Variants in CADPS observed in about 807,000 individuals in gnomAD.
CADPS encodes the protein calcium dependent secretion activator.
In CADPS, 57 loss-of-function variants were observed where a neutral mutation model predicts 167.3. The ratio of observed to expected loss-of-function variants is 0.34; its 90% confidence interval spans 0.28 to 0.42. CADPS has a LOEUF of 0.42. Among genes scored for constraint, CADPS ranks in the 20% least tolerant of loss-of-function variants. The probability of loss-of-function intolerance (pLI) is 1.00; values close to 1 mark genes in which losing one functional copy is unlikely to be tolerated. For synonymous variants in CADPS, 676 were observed against 635.3 expected (o/e 1.06, Z -0.96); for missense variants, 1,414 against 1,738.1 (o/e 0.81, Z 3.32).
At position 62,627,288 on chromosome 3, in the gene CADPS, A is replaced by C. The variant is rs2064269963; in HGVS notation, c.1325+18434T>G. On this transcript the variant is annotated intron_variant, in intron 6 of 29. Coordinates refer to ENST00000383710, the MANE Select transcript of CADPS (RefSeq NM_003716.4). ...TTAGTTTTAAATTATAACTGAGCTC[A>C]ATTTTAAAGGAAAAAATAAATCTCT... Among the ~76,000 whole-genome samples the C allele has an allele frequency of 2.0e-5, 3 of 152,110 alleles. No homozygotes were observed. The South Asian group carries it at 6.2e-4, about 32-fold the overall frequency.
At chr3:62,527,461 G>T (rs867518853) in intron 13 of CADPS, among the ~76,000 whole-genome samples, 2 of 151,898 alleles carry the variant, frequency 1.3e-5, no homozygotes, top group East Asian at 1.9e-4. Context: ...GGGGTGGGGG[G>T]TGGGGGAGTG....
At chr3:62,793,216 C>T (rs901415750) in intron 1 of CADPS, among the ~76,000 whole-genome samples, 1 of 152,132 alleles carries the variant, frequency 6.6e-6, no homozygotes, top group African/African-American at 2.4e-5. Flanking sequence ...ATTTATAATG[C>T]TTGTGAAACA....
intron 3 of CADPS, among the ~76,000 whole-genome samples, chr3:62,737,474 C>CA (rs370647017): frequency 0.14 from 18,255 of 133,116 alleles, 1,254 homozygotes; most frequent in African/African-American, 0.21. Context: ...TCTCTTACAG[C>CA]AAAAAAAAAA....
At chr3:62,612,044 A>T (rs937792309) in intron 6 of CADPS, among the ~76,000 whole-genome samples, 1 of 152,238 alleles carries the variant, frequency 6.6e-6, no homozygotes, top group Non-Finnish European at 1.5e-5. Flanking sequence ...GACACACTGC[A>T]GACACTTAAC....
intron 1 of CADPS, among the ~76,000 whole-genome samples, chr3:62,808,989 CATT>C (rs1214109089): frequency 3.9e-5 from 6 of 152,160 alleles, no homozygotes; most frequent in Non-Finnish European, 5.9e-5. Flanking sequence ...AAATTGTAGA[CATT>C]ATTCTTGATT....
rs180991844 is a variant in CADPS at position 62,761,595 on chromosome 3, T to C, written c.555+4276A>G. ...AGAATTTGAGTTTTGTAAAACTTTT[T>C]TATCCACCTATTTTCTCTGATGCCA... On this transcript the variant is annotated intron_variant, in intron 2 of 29. Transcript: ENST00000383710. Among the ~76,000 whole-genome samples the C allele has an allele frequency of 9.9e-5, 15 of 152,082 alleles. No homozygotes were observed. In the Middle Eastern group the frequency reaches 0.01, roughly 103 times the overall value.
chr3:62,494,442 A>G (rs761385251), intron 18 of CADPS, among the ~76,000 whole-genome samples: 3 of 152,284 alleles, frequency 2.0e-5, no homozygotes, highest in Non-Finnish European at 4.4e-5. Flanking sequence ...AAAATTCACA[A>G]AGGTACACTA....
At chr3:62,803,684 T>C (rs1229352839) in intron 1 of CADPS, among the ~76,000 whole-genome samples, 2 of 152,122 alleles carry the variant, frequency 1.3e-5, no homozygotes, top group Non-Finnish European at 2.9e-5. Flanking sequence ...AGTGTTAGCA[T>C]TGTCATCTGT....
chr3:62,533,144 G>A, intron 12 of CADPS, 86 bp from the exon 13 acceptor site: 1 of 1,185,532 alleles, frequency 8.4e-7, no homozygotes, highest in Non-Finnish European at 1.2e-6. Flanking sequence ...CTAGAGAAGG[G>A]GACTGAAAAA....
chr3:62,437,770 C>T (rs1261594969), intron 28 of CADPS, among the ~76,000 whole-genome samples: 1 of 152,140 alleles, frequency 6.6e-6, no homozygotes, highest in Non-Finnish European at 1.5e-5. Context: ...AAAGTGAGGC[C>T]AGATTGCAAG....
At chr3:62,562,169 G>C (rs942704150) in intron 9 of CADPS, among the ~76,000 whole-genome samples, 3 of 152,212 alleles carry the variant, frequency 2.0e-5, no homozygotes, top group African/African-American at 7.2e-5. Context: ...AGCATTGACG[G>C]ATTGAGCCAA....
Position 62,433,753 on chromosome 3 carries a change from G to A in CADPS, c.3777+4351C>T, listed in dbSNP as rs188348910. On this transcript the variant is annotated intron_variant, in intron 28 of 29. Transcript: ENST00000383710. This position sits in a 1 kb window ranked among gnomAD's most constrained non-coding sequence, Gnocchi z 4.7. ...AATCCCGATTTTCTTCTCAGTCTGTGTCTTCAAGAAGTACAAGGAAGAAAG... is the reference window on the plus strand; with the variant it reads ...AATCCCGATTTTCTTCTCAGTCTGTATCTTCAAGAAGTACAAGGAAGAAAG... 1.3e-3 allele frequency among the ~76,000 whole-genome samples: 193 copies of A among 152,304 alleles called. 1 individual carries two copies. The highest frequency in any genetic ancestry group is 1.6e-3 in the Non-Finnish European group (109 of 68,036).
At chr3:62,679,639 C>T (rs541750007) in intron 3 of CADPS, among the ~76,000 whole-genome samples, 10 of 152,152 alleles carry the variant, frequency 6.6e-5, no homozygotes, top group African/African-American at 2.4e-4. Flanking sequence ...TTGCACTCAC[C>T]AGCCCAACTA....
chr3:62,594,987 A>T (rs66509754), intron 6 of CADPS, among the ~76,000 whole-genome samples: 13,445 of 152,130 alleles, frequency 0.088, 770 homozygotes, highest in East Asian at 0.33. Context: ...CTTGACTACT[A>T]GTGGGCTTGA....
At chr3:62,450,376 C>G (rs1432730895) in intron 26 of CADPS, among the ~76,000 whole-genome samples, 1 of 152,188 alleles carries the variant, frequency 6.6e-6, no homozygotes, top group African/African-American at 2.4e-5. Context: ...CTCTCCAGGA[C>G]CAAGCCATAG....
chr3:62,661,135 T>G (rs2073108441), intron 4 of CADPS, among the ~76,000 whole-genome samples: 1 of 152,208 alleles, frequency 6.6e-6, no homozygotes, highest in Admixed American at 6.5e-5. Flanking sequence ...ATGGCAGGGA[T>G]AGCAATAATG....
At chr3:62,413,113 A>G (rs548757309) in intron 28 of CADPS, among the ~76,000 whole-genome samples, 48 of 152,208 alleles carry the variant, frequency 3.2e-4, no homozygotes, top group Admixed American at 1.7e-3. Flanking sequence ...ACTCATTGAT[A>G]CCAACTTAAA....
chr3:62,519,244 T>A (rs2069804909), intron 13 of CADPS, among the ~76,000 whole-genome samples: 1 of 152,178 alleles, frequency 6.6e-6, no homozygotes, highest in African/African-American at 2.4e-5. Flanking sequence ...ATTGGAACAT[T>A]CTTCAGTTTG....
In CADPS at chr3:62,672,088, T is replaced by A. The variant is rs183628656; in HGVS notation, c.889-9694A>T. ...AGCCACCACACCCAGCCAATTTTTTTAAAACCCTCCGAGTGATTCCAACGT... is the reference window on the plus strand; with the variant it reads ...AGCCACCACACCCAGCCAATTTTTTAAAAACCCTCCGAGTGATTCCAACGT... On this transcript the variant is annotated intron_variant, in intron 3 of 29. Coordinates refer to ENST00000383710, the MANE Select transcript of CADPS (RefSeq NM_003716.4). Among the ~76,000 whole-genome samples the A allele has an allele frequency of 5.9e-4, 90 of 152,228 alleles. 1 individual carries two copies. The East Asian group carries it at 0.016, about 28-fold the overall frequency.
Sources: allele counts gnomAD v4.1 joint callset (sites outside exome capture counted in the v4.1 genomes callset), GRCh38; gene constraint gnomAD v4.1.1; non-coding constraint Gnocchi (gnomAD v3.1); transcripts MANE v1.5; gene names NCBI Gene and HGNC (gene_info 2026-07-23, HGNC 2026-07-21).